AQP3: variants seen among roughly 807,000 people sequenced by gnomAD.
The protein encoded by AQP3 is aquaporin-3.
AQP3 carries 15 observed loss-of-function variants against 30.3 expected under a neutral mutation model. The observed-to-expected ratio is 0.49, with a 90% CI of 0.33 to 0.76. The LOEUF (loss-of-function observed/expected upper bound fraction) is 0.76, where lower values mean the gene tolerates loss of function less well. AQP3 is among the 30% of genes least tolerant of loss of function. The pLI is 0.02. For missense variants in AQP3, 272 were observed against 384.8 expected (o/e 0.71, Z 2.45); for synonymous variants, 153 against 163.2 (o/e 0.94, Z 0.47).
Position 33,443,200 on chromosome 9 carries a change from G to A in AQP3, c.373+121C>T, listed in dbSNP as rs752168014. ...CTACCTTGACCCTGTGCGTGAATGAGTGAGTCATGAGCCCGGGGCCTGGGC... is the reference window on the plus strand; with the variant it reads ...CTACCTTGACCCTGTGCGTGAATGAATGAGTCATGAGCCCGGGGCCTGGGC... On this transcript the variant is annotated intron_variant, in intron 3 of 5. Transcript: ENST00000297991. This position sits in a 1 kb window ranked among gnomAD's most constrained non-coding sequence, Gnocchi z 5.0. 14 of 1,415,314 alleles carry A rather than the reference G, an allele frequency of 9.9e-6. No individual in the cohort carries two copies. Among genetic ancestry groups the A allele is most frequent in the Non-Finnish European group, 1.3e-5 (13 of 1,026,594 alleles). The allele number at this position is 1,415,314 out of a possible 1,614,324, so 87.7% of individuals were successfully genotyped here.
At position 33,447,444 on chromosome 9, in the gene AQP3, G is replaced by T; in HGVS notation, c.87C>A (p.Cys29Ter). The change falls in exon 1 of 6, where the codon TGC becomes TGA. Residue 29 changes from cysteine (C) to a stop codon, truncating the protein, a stop_gained. Transcript: ENST00000297991. LOFTEE classifies it high-confidence loss of function. ...TCACCACCAGGATGAGGGTCCCCAG[G>T]CACTCGGCCAGCGCCTGTCGGAGCA... ...YRLLRQALAE[C>*]LGTLILVMFG... 2 of 1,606,384 alleles carry T rather than the reference G, an allele frequency of 1.2e-6. No individual in the cohort carries two copies. Among genetic ancestry groups the T allele is most frequent in the Non-Finnish European group, 1.7e-6 (2 of 1,177,036 alleles).
Position 33,443,979 on chromosome 9 carries a change from C to T in AQP3, c.109-87G>A, listed in dbSNP as rs1032201225. 7 of 1,521,362 alleles carry T rather than the reference C, an allele frequency of 4.6e-6. No homozygotes were observed. The highest frequency in any genetic ancestry group is 2.3e-5 in the East Asian group (1 of 43,670). 94.2% of individuals were successfully genotyped at this position (1,521,362 alleles called of 1,614,324 possible). A position where few individuals can be genotyped will look rare whatever the true frequency, so the allele number is the denominator to read the frequency against. The stretch of plus-strand genomic sequence containing the variant: ...GGGTGAAGCCAGCAACATGCCCACT[C>T]GCCACCACTGGGAGGACTAGAGGCG... On this transcript the variant is annotated intron_variant, in intron 1 of 5. Transcript: ENST00000297991. This position sits in a 1 kb window ranked among gnomAD's most constrained non-coding sequence, Gnocchi z 5.0.
Position 33,443,554 on chromosome 9 carries a change from C to T in AQP3, c.236-96G>A. On this transcript the variant is annotated intron_variant, in intron 2 of 5. Transcript: ENST00000297991. The surrounding 1 kb of genome is among the most constrained non-coding windows in gnomAD (Gnocchi z 5.0). Reference sequence around the variant, plus strand: ...GGGGTGCAGAGAGGGGTTTCTTGCACAGGATGGCGGTTGGTCTATGTAACA... The same window carrying T: ...GGGGTGCAGAGAGGGGTTTCTTGCATAGGATGGCGGTTGGTCTATGTAACA... The T allele has an allele frequency of 2.6e-6, 4 of 1,517,872 alleles. No individual in the cohort carries two copies. The highest frequency in any genetic ancestry group is 1.2e-5 in the South Asian group (1 of 84,346). The allele number at this position is 1,517,872 out of a possible 1,614,324, so 94.0% of individuals were successfully genotyped here.
rs1480704011 is a variant in AQP3, at chr9:33,442,586, C to T, written c.493-68G>A. On this transcript the variant is annotated intron_variant, in intron 4 of 5. Transcript: ENST00000297991. ...TTCTCTGACCCCTCCTTCCATCCCC[C>T]GTCTTCCCTCTAGCTCTTAAACTCT... The T allele has an allele frequency of 8.9e-6, 13 of 1,453,722 alleles. No homozygotes were observed. In the East Asian group the frequency reaches 9.6e-5, roughly 11 times the overall value. 90.1% of individuals were successfully genotyped at this position (1,453,722 alleles called of 1,614,324 possible).
In AQP3 at chr9:33,441,955, G is replaced by T; in HGVS notation, c.*88C>A. 2 of 1,558,014 alleles carry T rather than the reference G, an allele frequency of 1.3e-6. No individual in the cohort carries two copies. Among genetic ancestry groups the T allele is most frequent in the Non-Finnish European group, 1.7e-6 (2 of 1,147,522 alleles). On this transcript the variant is annotated 3_prime_UTR_variant, in exon 6 of 6. Transcript: ENST00000297991. ...GCTCCTTAGCCTGAAAGGGTGGATC[G>T]TGAAGGGGGCTTCTTGGGAGTGGCC...
chr9:33,447,362 TGA>T, intron 1 of AQP3, 59 bp downstream of exon 1: 1 of 1,399,976 alleles, frequency 7.1e-7, no homozygotes, highest in Non-Finnish European at 9.9e-7. Flanking sequence ...TTCGGGGAAG[TGA>T]GAGTTTGGGG....
chr9:33,443,646 C>T lies in AQP3; in HGVS notation c.235+120G>A. 1 of 1,533,186 alleles carries T rather than the reference C, an allele frequency of 6.5e-7. No individual in the cohort carries two copies. The allele number at this position is 1,533,186 out of a possible 1,614,324, so 95.0% of individuals were successfully genotyped here. On this transcript the variant is annotated intron_variant, in intron 2 of 5. Coordinates refer to ENST00000297991, the MANE Select transcript of AQP3 (RefSeq NM_004925.5). The surrounding 1 kb of genome is among the most constrained non-coding windows in gnomAD (Gnocchi z 5.0). Reference sequence around the variant, plus strand: ...TTCTAAGTGTCAAGTTTCTTCTCCACCCTCCTTTCCCAAGGGGCCAAAGCA... The same window carrying T: ...TTCTAAGTGTCAAGTTTCTTCTCCATCCTCCTTTCCCAAGGGGCCAAAGCA...
Position 33,443,290 on chromosome 9 carries a change from A to G in AQP3, c.373+31T>C. ...AGGTCCTGAACAGAGGGACGGGGGT[A>G]GTGGAGGAGGACAGGGTGGGGAATG... is the stretch of plus-strand genomic sequence containing the variant. On this transcript the variant is annotated intron_variant, in intron 3 of 5. Transcript: ENST00000297991. This position sits in a 1 kb window ranked among gnomAD's most constrained non-coding sequence, Gnocchi z 5.0. 6.4e-7 allele frequency: 1 copy of G among 1,566,014 alleles called. No homozygotes were observed. The highest frequency in any genetic ancestry group is 8.7e-7 in the Non-Finnish European group (1 of 1,155,000).
chr9:33,442,754 T>C (rs1435749503), intron 4 of AQP3, 98 bp downstream of exon 4: 23 of 1,269,110 alleles, frequency 1.8e-5, no homozygotes, highest in Middle Eastern at 1.8e-4. Flanking sequence ...GGAGAAACCC[T>C]GCTACAGTCG....
chr9:33,444,740 C>A (rs1400451163), intron 1 of AQP3, among the ~76,000 whole-genome samples: 1 of 152,098 alleles, frequency 6.6e-6, no homozygotes, highest in African/African-American at 2.4e-5. Context: ...AGAGCCCCAG[C>A]CTTCACCATG....
rs1263292742 is a variant in AQP3 at position 33,442,509 on chromosome 9, T to G, written c.502A>C (p.Thr168Pro). 6.2e-7 allele frequency: 1 copy of G among 1,606,480 alleles called. No homozygotes were observed. The highest frequency in any genetic ancestry group is 2.2e-5 in the East Asian group (1 of 44,588). Reference protein sequence around the residue: ...INGFFDQFIGTASLIVCVLAI... With the variant: ...INGFFDQFIGPASLIVCVLAI... ...AGCACACACACGATAAGGGAGGCTG[T>G]GCCTATGAACTGGGGAGTGGGGAGA... Residue 168 changes from threonine to proline, a missense_variant, in exon 5 of 6, where the codon ACA (threonine) becomes CCA (proline). Transcript: ENST00000297991.
chr9:33,442,740 G>A, intron 4 of AQP3, 112 bp downstream of exon 4: 1 of 1,198,428 alleles, frequency 8.3e-7, no homozygotes. Flanking sequence ...TTACCCCACA[G>A]ATTGGAGAAA....
intron 1 of AQP3, among the ~76,000 whole-genome samples, chr9:33,445,093 T>C (rs1036684587): frequency 2.0e-5 from 3 of 152,164 alleles, no homozygotes; most frequent in Admixed American, 1.3e-4. Flanking sequence ...ACCCAGGAGT[T>C]TGAGAACAGC....
Position 33,443,736 on chromosome 9 carries a change from C to T in AQP3, c.235+30G>A. On this transcript the variant is annotated intron_variant, in intron 2 of 5. Transcript: ENST00000297991. The surrounding 1 kb of genome is among the most constrained non-coding windows in gnomAD (Gnocchi z 5.0). ...ACCTAGTGGGAATGCTATTGAGGGC[C>T]AAGGGCTGGGGGCAGGGTTAAGGCC... 2 of 1,613,642 alleles carry T rather than the reference C, an allele frequency of 1.2e-6. No homozygotes were observed. Among genetic ancestry groups the T allele is most frequent in the Non-Finnish European group, 1.7e-6 (2 of 1,179,924 alleles).
Position 33,443,150 on chromosome 9 carries a change from A to T in AQP3, c.373+171T>A. ...GGGCCTGAGACTCTGTTATTGCCCA[A>T]CTTGTTTCTTTCCCTTCGTGCCCCC... On this transcript the variant is annotated intron_variant, in intron 3 of 5. Coordinates refer to ENST00000297991, the MANE Select transcript of AQP3 (RefSeq NM_004925.5). This position sits in a 1 kb window ranked among gnomAD's most constrained non-coding sequence, Gnocchi z 5.0. 1 of 1,169,466 alleles carries T rather than the reference A, an allele frequency of 8.6e-7. No homozygotes were observed. Among genetic ancestry groups the T allele is most frequent in the Non-Finnish European group, 1.2e-6 (1 of 812,358 alleles). The allele number at this position is 1,169,466 out of a possible 1,614,324, so 72.4% of individuals were successfully genotyped here.
At chr9:33,442,675 A>G (rs758885478) in intron 4 of AQP3, 157 bp from the exon 5 acceptor site, 7 of 1,079,750 alleles carry the variant, frequency 6.5e-6, no homozygotes, top group Non-Finnish European at 9.8e-6. Context: ...CGTGACAAGA[A>G]CCCGCTGGAG....
rs530926059 is a variant in AQP3 at position 33,442,021 on chromosome 9, T to G, written c.*22A>C. 3 of 1,609,982 alleles carry G rather than the reference T, an allele frequency of 1.9e-6. No homozygotes were observed. The highest frequency in any genetic ancestry group is 2.7e-5 in the African/African-American group (2 of 74,858). ...GATGCTCAAGGCCAGGGCAGCGGAG[T>G]GGGGAGATGGCCCCTGCCCACTCAG... On this transcript the variant is annotated 3_prime_UTR_variant, in exon 6 of 6. Coordinates refer to ENST00000297991, the MANE Select transcript of AQP3 (RefSeq NM_004925.5).
At position 33,442,328 on chromosome 9, in the gene AQP3, A is replaced by C. The variant is rs534635127; in HGVS notation, c.683T>G (p.Leu228Arg). 1 of 1,613,088 alleles carries C rather than the reference A, an allele frequency of 6.2e-7. No homozygotes were observed. The highest frequency in any genetic ancestry group is 2.2e-5 in the East Asian group (1 of 44,844). The change falls in exon 5 of 6, where the codon CTT becomes CGT. Residue 228 changes from leucine (L) to arginine (R), a missense_variant. By Grantham distance (102) the Leu-to-Arg change is moderately radical. Around this residue, in one of 3 missense-constraint regions of AQP3, gnomAD observed 170 missense variants for 286.4 expected, o/e 0.59. Coordinates refer to ENST00000297991, the MANE Select transcript of AQP3 (RefSeq NM_004925.5). ...RDFGPRLFTA[L>R]AGWGSAVFTT... is the part of the protein sequence containing the mutation. ...GAAGACTGCAGAGCCCCAGCCCGCA[A>C]GGGCTGTAAAAAGGCGGGGGCCAAA...
Position 33,443,732 on chromosome 9 carries a change from G to A in AQP3, c.235+34C>T. The stretch of plus-strand genomic sequence containing the variant: ...GGACACCTAGTGGGAATGCTATTGA[G>A]GGCCAAGGGCTGGGGGCAGGGTTAA... On this transcript the variant is annotated intron_variant, in intron 2 of 5. Coordinates refer to ENST00000297991, the MANE Select transcript of AQP3 (RefSeq NM_004925.5). This position sits in a 1 kb window ranked among gnomAD's most constrained non-coding sequence, Gnocchi z 5.0. 1.2e-6 allele frequency: 2 copies of A among 1,613,582 alleles called. No homozygotes were observed. The highest frequency in any genetic ancestry group is 2.2e-5 in the East Asian group (1 of 44,878).
Sources: allele counts gnomAD v4.1 joint callset (sites outside exome capture counted in the v4.1 genomes callset), GRCh38; gene constraint gnomAD v4.1.1; regional missense constraint gnomAD v4.1.1; non-coding constraint Gnocchi (gnomAD v3.1); transcripts MANE v1.5; gene names NCBI Gene and HGNC (gene_info 2026-07-23, HGNC 2026-07-21).